The following KALRN variants were observed in gnomAD, a reference collection of about 807,000 sequenced individuals.
The protein encoded by KALRN is kalirin RhoGEF kinase.
KALRN carries 70 observed loss-of-function variants against 353.7 expected under a neutral mutation model. The ratio of observed to expected loss-of-function variants is 0.20; its 90% CI spans 0.16 to 0.24. The LOEUF is 0.24. Ranked by LOEUF, KALRN falls within the 10% of genes least tolerant of loss-of-function variation. KALRN has a pLI of 1.00. For synonymous variants in KALRN, 1,391 were observed against 1,434.8 expected (o/e 0.97, Z 0.69); for missense variants, 2,791 against 3,756.7 (o/e 0.74, Z 6.72).
At chr3:124,396,137 C>T (rs1019131250) in intron 12 of KALRN, among the ~76,000 whole-genome samples, 6 of 152,114 alleles carry the variant, frequency 3.9e-5, no homozygotes, top group Non-Finnish European at 5.9e-5. Context: ...CCCACAGGGA[C>T]TTTTTCCTAT....
At chr3:124,447,115 T>C (rs2150684529) in intron 21 of KALRN, among the ~76,000 whole-genome samples, 1 of 152,362 alleles carries the variant, frequency 6.6e-6, no homozygotes, top group African/African-American at 2.4e-5. Flanking sequence ...TGCTATATAC[T>C]GTGCTTCCAG....
intron 46 of KALRN, 54 bp downstream of exon 46, chr3:124,666,688 G>A (rs547544339): frequency 3.9e-5 from 57 of 1,464,964 alleles, no homozygotes; most frequent in Non-Finnish European, 5.2e-5. Flanking sequence ...GTTCTTGGGA[G>A]CTGCTTCCCT....
chr3:124,234,252 C>G (rs1406782771), intron 2 of KALRN, among the ~76,000 whole-genome samples: 1 of 152,156 alleles, frequency 6.6e-6, no homozygotes, highest in Admixed American at 6.5e-5. Context: ...CTCAGGCAGA[C>G]AGGCAGGGGT....
At chr3:124,252,199 A>G (rs750471303) in intron 3 of KALRN, among the ~76,000 whole-genome samples, 6 of 152,170 alleles carry the variant, frequency 3.9e-5, no homozygotes, top group African/African-American at 4.8e-5. Context: ...ACCAGGGGGA[A>G]CTTTTAAAAA....
At chr3:124,205,312 C>G (rs2076319152) in intron 1 of KALRN, among the ~76,000 whole-genome samples, 1 of 152,174 alleles carries the variant, frequency 6.6e-6, no homozygotes, top group African/African-American at 2.4e-5. Context: ...AACAAGCAGG[C>G]TCTAGCACAC....
At chr3:124,586,012 A>G (rs1286918339) in intron 34 of KALRN, among the ~76,000 whole-genome samples, 1 of 152,210 alleles carries the variant, frequency 6.6e-6, no homozygotes, top group Non-Finnish European at 1.5e-5. Flanking sequence ...AAGGTTACCA[A>G]AACTAATTAA....
At chr3:124,348,117 G>C (rs77170974) in intron 10 of KALRN, among the ~76,000 whole-genome samples, 1 of 152,104 alleles carries the variant, frequency 6.6e-6, no homozygotes, top group African/African-American at 2.4e-5. Flanking sequence ...TTTATCAGGC[G>C]TGATTAGCTG....
chr3:124,224,109 C>T (rs1479950900), intron 1 of KALRN, among the ~76,000 whole-genome samples: 2 of 151,566 alleles, frequency 1.3e-5, no homozygotes, highest in African/African-American at 4.9e-5. Flanking sequence ...GCACAACACC[C>T]ACCACCCACG....
chr3:124,054,393 G>A (rs1398652212), intron 1 of KALRN, among the ~76,000 whole-genome samples: 3 of 13,932 alleles, frequency 2.2e-4, no homozygotes, highest in Non-Finnish European at 1.6e-3. Context: ...AAAATAAAAT[G>A]TTGCAGAAGC....
intron 1 of KALRN, among the ~76,000 whole-genome samples, chr3:124,119,671 T>TA (rs532740548): frequency 5.3e-5 from 8 of 152,280 alleles, no homozygotes; most frequent in Middle Eastern, 6.8e-3. Flanking sequence ...GACTGAAGCA[T>TA]GGTCTAGCAT....
At chr3:124,275,879 A>G (rs976016996) in intron 5 of KALRN, among the ~76,000 whole-genome samples, 4 of 152,218 alleles carry the variant, frequency 2.6e-5, no homozygotes, top group African/African-American at 4.8e-5. Context: ...AGAGGAGCAC[A>G]TAGGTCACAC....
chr3:124,558,561 G>A (rs966572031), intron 33 of KALRN, among the ~76,000 whole-genome samples: 2 of 152,218 alleles, frequency 1.3e-5, no homozygotes, highest in East Asian at 1.9e-4. Context: ...TTACAGTCAC[G>A]AGCCACTGCG....
chr3:124,293,668 A>G (rs572750353), intron 5 of KALRN, among the ~76,000 whole-genome samples: 16 of 152,348 alleles, frequency 1.1e-4, no homozygotes, highest in Admixed American at 4.6e-4. Flanking sequence ...TGTAACATCT[A>G]TCTTCTTAAT....
chr3:124,347,008 C>G, intron 9 of KALRN, 135 bp from the exon 10 acceptor site: 2 of 1,297,456 alleles, frequency 1.5e-6, no homozygotes, highest in Admixed American at 3.7e-5. Context: ...AGCAGATTGA[C>G]CATTTCCACC....
chr3:124,677,704 A>T, intron 49 of KALRN: 1 of 429,684 alleles, frequency 2.3e-6, no homozygotes, highest in East Asian at 7.0e-5. Flanking sequence ...CCCAAATACA[A>T]ATCATGAGGT....
chr3:124,632,550 G>A lies in KALRN; in HGVS notation c.5313G>A (p.Lys1771=). The A allele has an allele frequency of 1.2e-6, 2 of 1,614,204 alleles. No homozygotes were observed. The highest frequency in any genetic ancestry group is 1.6e-4 in the Middle Eastern group (1 of 6,062). Residue 1771 remains lysine (K), a synonymous_variant, in exon 35 of 60, where the codon AAG becomes AAA. Transcript: ENST00000682506. ...AGCGCTCCACCAACACTCTTAAGAA[G>A]TGGCTGACGAGTCCTGTGCGTCGGC... ...GPKRSTNTLK[K]WLTSPVRRLN... is the part of the protein sequence containing the mutation.
At chr3:124,040,992 A>G (rs2039904316) in intron 1 of KALRN, among the ~76,000 whole-genome samples, 1 of 152,230 alleles carries the variant, frequency 6.6e-6, no homozygotes, top group African/African-American at 2.4e-5. Flanking sequence ...TCTTTCATTC[A>G]TTCATTTAAT....
intron 33 of KALRN, among the ~76,000 whole-genome samples, chr3:124,497,042 C>A (rs2108569579): frequency 6.6e-6 from 1 of 152,248 alleles, no homozygotes; most frequent in South Asian, 2.1e-4. Flanking sequence ...TGGCCACTTG[C>A]TTTCTAACAT....
At chr3:124,365,023 G>C (rs1291656275) in intron 10 of KALRN, among the ~76,000 whole-genome samples, 1 of 152,028 alleles carries the variant, frequency 6.6e-6, no homozygotes, top group East Asian at 1.9e-4. Flanking sequence ...TCCTGCCCTG[G>C]TCACTCCTTT....
Sources: allele counts gnomAD v4.1 joint callset (sites outside exome capture counted in the v4.1 genomes callset), GRCh38; gene constraint gnomAD v4.1.1; transcripts MANE v1.5; gene names NCBI Gene and HGNC (gene_info 2026-07-23, HGNC 2026-07-21).